MSRA: variants seen among roughly 807,000 people sequenced by gnomAD.
MSRA encodes the protein methionine sulfoxide reductase A, also known as mitochondrial peptide methionine sulfoxide reductase.
MSRA carries 54 observed loss-of-function variants against 31.3 expected under a neutral mutation model. That is an observed-to-expected ratio of 1.73 (90% CI 1.39 to 2.17). MSRA has a LOEUF of 2.17. Among genes scored for constraint, MSRA ranks in the 30% most tolerant of loss-of-function variants. MSRA has a pLI of 0.00. For synonymous variants in MSRA, 169 were observed against 116.5 expected (o/e 1.45, Z -2.90); for missense variants, 507 against 300.9 (o/e 1.69, Z -5.07).
chr8:10,097,858 C>A (rs906523516), intron 1 of MSRA, among the ~76,000 whole-genome samples: 2 of 152,010 alleles, frequency 1.3e-5, no homozygotes, highest in East Asian at 3.9e-4. Flanking sequence ...CTACATTTTA[C>A]AGTGTATATT....
chr8:10,241,971 A>T (rs987637411), intron 2 of MSRA, among the ~76,000 whole-genome samples: 1 of 152,220 alleles, frequency 6.6e-6, no homozygotes, highest in Non-Finnish European at 1.5e-5. Flanking sequence ...CAATGTGTTG[A>T]TTAAAATGAC....
chr8:10,424,777 C>T (rs896021107), intron 5 of MSRA, among the ~76,000 whole-genome samples: 1 of 152,194 alleles, frequency 6.6e-6, no homozygotes, highest in African/African-American at 2.4e-5. Context: ...GCCCAGATCT[C>T]CCAGGCTCCC....
At chr8:10,422,472 AAC>A (rs1008199260) in intron 5 of MSRA, among the ~76,000 whole-genome samples, 2 of 152,200 alleles carry the variant, frequency 1.3e-5, no homozygotes, top group Admixed American at 1.3e-4. Flanking sequence ...CTGTGAGAAA[AAC>A]ACAAATGACC....
At chr8:10,074,098 T>TTTTTA (rs1797875644) in intron 1 of MSRA, among the ~76,000 whole-genome samples, 1 of 84,572 alleles carries the variant, frequency 1.2e-5, no homozygotes, top group African/African-American at 4.3e-5. Flanking sequence ...TTTTTTTTTT[T>TTTTTA]ATTAAATGGA....
intron 1 of MSRA, among the ~76,000 whole-genome samples, chr8:10,149,059 G>A (rs1055739702): frequency 5.3e-5 from 8 of 151,126 alleles, no homozygotes; most frequent in Non-Finnish European, 1.0e-4. Flanking sequence ...AGGTTCCAGT[G>A]ATTGTCTTGC....
intron 2 of MSRA, among the ~76,000 whole-genome samples, chr8:10,229,681 C>A (rs1009910931): frequency 6.6e-6 from 1 of 152,066 alleles, no homozygotes; most frequent in Non-Finnish European, 1.5e-5. Context: ...GAATAATATT[C>A]TCTTTACTCC....
chr8:10,262,262 C>T (rs1010945211), intron 3 of MSRA, among the ~76,000 whole-genome samples: 2 of 152,188 alleles, frequency 1.3e-5, no homozygotes, highest in African/African-American at 2.4e-5. Context: ...ATTGCTGGAT[C>T]ATGTGGTTAG....
intron 3 of MSRA, among the ~76,000 whole-genome samples, chr8:10,294,753 G>C (rs723610): frequency 0.4 from 60,803 of 151,954 alleles, 12,624 homozygotes; most frequent in East Asian, 0.65. Flanking sequence ...CACTGGAGGG[G>C]CACCCACTCA....
chr8:10,293,951 C>G (rs1452916710), intron 3 of MSRA, among the ~76,000 whole-genome samples: 1 of 152,176 alleles, frequency 6.6e-6, no homozygotes, highest in Non-Finnish European at 1.5e-5. Flanking sequence ...TGCCTGTAAC[C>G]TCAACACTTC....
chr8:10,064,072 T>G (rs547696444), intron 1 of MSRA, among the ~76,000 whole-genome samples: 1 of 152,298 alleles, frequency 6.6e-6, no homozygotes, highest in East Asian at 1.9e-4. Flanking sequence ...AGAATCCCTT[T>G]CCTGTATTTG....
intron 5 of MSRA, among the ~76,000 whole-genome samples, chr8:10,399,233 T>C (rs953045982): frequency 3.3e-5 from 5 of 152,196 alleles, no homozygotes; most frequent in South Asian, 2.1e-4. Flanking sequence ...GATCTGACAA[T>C]GTCTAGGGGG....
At chr8:10,335,495 G>A (rs1240407274) in intron 5 of MSRA, among the ~76,000 whole-genome samples, 1 of 152,098 alleles carries the variant, frequency 6.6e-6, no homozygotes, top group Non-Finnish European at 1.5e-5. Context: ...CTGGGGAGGC[G>A]ATTGGAATTA....
intron 3 of MSRA, among the ~76,000 whole-genome samples, chr8:10,272,867 A>C (rs541925487): frequency 6.6e-6 from 1 of 151,650 alleles, no homozygotes; most frequent in Non-Finnish European, 1.5e-5. Flanking sequence ...ATATCTCTTA[A>C]GTGAATGAAT....
At chr8:10,414,260 T>C (rs184109097) in intron 5 of MSRA, among the ~76,000 whole-genome samples, 2 of 152,338 alleles carry the variant, frequency 1.3e-5, no homozygotes, top group Non-Finnish European at 1.5e-5. Context: ...GAAAAGGCTC[T>C]GGAAGACACA....
At chr8:10,229,475 C>T (rs113738856) in intron 2 of MSRA, among the ~76,000 whole-genome samples, 5 of 152,210 alleles carry the variant, frequency 3.3e-5, no homozygotes, top group African/African-American at 1.2e-4. Flanking sequence ...GAGGCTGTAC[C>T]ACAGCATGCT....
chr8:10,245,266 G>A (rs1204444445), intron 3 of MSRA, 43 bp downstream of exon 3: 24 of 1,591,040 alleles, frequency 1.5e-5, no homozygotes, highest in Non-Finnish European at 2.0e-5. Context: ...AGAAACAAGG[G>A]AGGGCTTGTC....
intron 2 of MSRA, among the ~76,000 whole-genome samples, chr8:10,243,160 G>C (rs184144856): frequency 6.6e-6 from 1 of 152,306 alleles, no homozygotes; most frequent in African/African-American, 2.4e-5. Context: ...CCTTGTACGT[G>C]AAGGTTGAAG....
At chr8:10,231,073 A>T (rs1323121061) in intron 2 of MSRA, among the ~76,000 whole-genome samples, 1 of 152,200 alleles carries the variant, frequency 6.6e-6, no homozygotes, top group Admixed American at 6.5e-5. Context: ...GGCATCAGCC[A>T]CCGCACCCAG....
chr8:10,363,580 C>T (rs965192562), intron 5 of MSRA, among the ~76,000 whole-genome samples: 2 of 152,106 alleles, frequency 1.3e-5, no homozygotes, highest in Admixed American at 6.5e-5. Context: ...CTCTTTAGGG[C>T]AGGATCTACA....
Sources: gnomAD v4.1 joint callset for allele counts (sites outside exome capture counted in the v4.1 genomes callset) on GRCh38, gnomAD v4.1.1 for gene constraint, MANE v1.5 for transcripts, NCBI Gene and HGNC (gene_info 2026-07-23, HGNC 2026-07-21) for gene names.